Variants in HIRA observed in about 807,000 individuals in gnomAD.
HIRA encodes the protein histone cell cycle regulator, also known as protein HIRA.
HIRA carries 13 observed loss-of-function variants against 126.6 expected under a neutral mutation model. That is an observed-to-expected ratio of 0.10 (90% CI 0.07 to 0.16). The LOEUF (loss-of-function observed/expected upper bound fraction) is 0.16, where lower values mean the gene tolerates loss of function less well. HIRA is among the 10% of genes least tolerant of loss of function. HIRA has a pLI of 1.00. For missense variants in HIRA, 834 were observed against 1,314.4 expected, an observed-to-expected ratio of 0.63 and a Z score of 5.65; for synonymous variants, 511 against 520.0, an observed-to-expected ratio of 0.98 and a Z score of 0.24.
chr22:19,344,904 C>T (rs1209447572), intron 24 of HIRA, among the ~76,000 whole-genome samples: 1 of 152,116 alleles, frequency 6.6e-6, no homozygotes, highest in African/African-American at 2.4e-5. Context: ...CATCTTAATG[C>T]AGAAAAAGCA....
intron 24 of HIRA, among the ~76,000 whole-genome samples, chr22:19,340,786 A>C (rs2088619146): frequency 6.6e-6 from 1 of 152,178 alleles, no homozygotes; most frequent in Non-Finnish European, 1.5e-5. Flanking sequence ...AAATAAAATA[A>C]AATACTTCGG....
chr22:19,337,505 G>A (rs1034760434), intron 24 of HIRA, among the ~76,000 whole-genome samples: 1 of 151,668 alleles, frequency 6.6e-6, no homozygotes, highest in Non-Finnish European at 1.5e-5. Flanking sequence ...AAGAAATTTG[G>A]GATTATGTTA....
At chr22:19,366,686 A>G (rs1182098140) in intron 15 of HIRA, among the ~76,000 whole-genome samples, 1 of 152,248 alleles carries the variant, frequency 6.6e-6, no homozygotes, top group African/African-American at 2.4e-5. Flanking sequence ...TAGTTAGGGA[A>G]GAGCAAAGAA....
intron 24 of HIRA, among the ~76,000 whole-genome samples, chr22:19,347,273 A>C (rs2088697640): frequency 6.6e-6 from 1 of 152,232 alleles, no homozygotes; most frequent in Non-Finnish European, 1.5e-5. Flanking sequence ...CTACAACCTG[A>C]TAACCAAGGA....
chr22:19,418,570 T>A (rs2089417948), intron 1 of HIRA, among the ~76,000 whole-genome samples: 1 of 130,618 alleles, frequency 7.7e-6, no homozygotes. Flanking sequence ...AGGCGGAGCT[T>A]GCAGTGAGCC....
chr22:19,409,085 T>C (rs1180098060), intron 2 of HIRA, among the ~76,000 whole-genome samples: 1 of 152,172 alleles, frequency 6.6e-6, no homozygotes, highest in Non-Finnish European at 1.5e-5. Flanking sequence ...GCCTGGAATT[T>C]AGGCTGTTCC....
intron 2 of HIRA, among the ~76,000 whole-genome samples, chr22:19,410,100 T>C (rs1199301792): frequency 1.3e-5 from 2 of 152,228 alleles, no homozygotes; most frequent in East Asian, 3.8e-4. Flanking sequence ...GAATGCTACA[T>C]TGTGTCACTA....
Position 19,330,745 on chromosome 22 carries a change from C to T in HIRA, c.*695G>A, listed in dbSNP as rs782700361. 1.3e-5 allele frequency: 2 copies of T among 155,758 alleles called. No individual in the cohort carries two copies. Among genetic ancestry groups the T allele is most frequent in the East Asian group, 1.9e-4 (1 of 5,230 alleles). 9.6% of individuals were successfully genotyped at this position (155,758 alleles called of 1,614,324 possible). On this transcript the variant is annotated 3_prime_UTR_variant, in exon 25 of 25. Transcript: ENST00000263208. ...TTTATTTTACACTTACAAAAGAAATCGCCCACCCCTTTGCCCCATTCCCCC... is the reference window on the plus strand; with the variant it reads ...TTTATTTTACACTTACAAAAGAAATTGCCCACCCCTTTGCCCCATTCCCCC...
chr22:19,401,234 C>T (rs574671407), intron 5 of HIRA, among the ~76,000 whole-genome samples: 5 of 152,134 alleles, frequency 3.3e-5, no homozygotes, highest in African/African-American at 7.2e-5. Flanking sequence ...CTTCACTTTG[C>T]CCCTCAGCAA....
chr22:19,397,045 C>T (rs1327970819), intron 6 of HIRA, 98 bp from the exon 7 acceptor site: 4 of 1,149,566 alleles, frequency 3.5e-6, no homozygotes, highest in Non-Finnish European at 3.8e-6. Flanking sequence ...GGGGACTCAG[C>T]AGTCTGCCAT....
rs529414129 is a variant in HIRA, at chr22:19,415,379, G to A, written c.38-4601C>T. Reference sequence around the variant, plus strand: ...TTGTAGGAATAAACTTAGCCCAGGAGGCGAAAGACTTGTACACTGAAACTA... The same window carrying A: ...TTGTAGGAATAAACTTAGCCCAGGAAGCGAAAGACTTGTACACTGAAACTA... On this transcript the variant is annotated intron_variant, in intron 1 of 24. Transcript: ENST00000263208. Among the ~76,000 whole-genome samples the A allele has an allele frequency of 2.2e-4, 33 of 152,292 alleles. No individual in the cohort carries two copies. In the East Asian group the frequency reaches 6.2e-3, roughly 28 times the overall value.
chr22:19,369,184 C>T lies in HIRA; in HGVS notation c.1775+6447G>A, dbSNP rs531623100. ...TGTAGTCACTTACCTCAGGTCCCTA[C>T]GTGCTTCTGCCTGACACCTGGCCTT... is the stretch of plus-strand genomic sequence containing the variant. On this transcript the variant is annotated intron_variant, in intron 15 of 24. Transcript: ENST00000263208. Among the ~76,000 whole-genome samples, 168 of 152,252 alleles carry T rather than the reference C, an allele frequency of 1.1e-3. 1 individual carries two copies. The highest frequency in any genetic ancestry group is 3.9e-3 in the African/African-American group (160 of 41,546).
At chr22:19,388,918 G>A (rs544432710) in intron 9 of HIRA, among the ~76,000 whole-genome samples, 6 of 152,288 alleles carry the variant, frequency 3.9e-5, no homozygotes, top group Admixed American at 1.3e-4. Context: ...CTATGGAGCA[G>A]GAGACACGAT....
At chr22:19,355,613 A>C (rs1441343400) in intron 21 of HIRA, 147 bp downstream of exon 21, 3 of 625,040 alleles carry the variant, frequency 4.8e-6, no homozygotes, top group African/African-American at 3.7e-5. Flanking sequence ...GGGAGCATGC[A>C]CAGATAGTCA....
intron 12 of HIRA, among the ~76,000 whole-genome samples, chr22:19,384,350 T>C (rs1474666828): frequency 6.9e-6 from 1 of 145,256 alleles, no homozygotes; most frequent in African/African-American, 2.5e-5. Context: ...AAAAGAGAGA[T>C]ATCATGCGGT....
intron 8 of HIRA, among the ~76,000 whole-genome samples, chr22:19,393,133 C>T (rs1202865945): frequency 6.6e-6 from 1 of 152,112 alleles, no homozygotes; most frequent in African/African-American, 2.4e-5. Context: ...GAGCCATAGG[C>T]AGGCGTCGTG....
At chr22:19,405,482 T>C (rs1008220775) in intron 5 of HIRA, 1 of 985,240 alleles carries the variant, frequency 1.0e-6, no homozygotes, top group Non-Finnish European at 1.2e-6. Context: ...GATCCGCTGA[T>C]GAAGGTACTG....
At chr22:19,333,385 A>G (rs1263746013) in intron 24 of HIRA, among the ~76,000 whole-genome samples, 1 of 152,210 alleles carries the variant, frequency 6.6e-6, no homozygotes, top group Non-Finnish European at 1.5e-5. Flanking sequence ...ATTTAGAGAA[A>G]ATGGAGAAAT....
intron 13 of HIRA, among the ~76,000 whole-genome samples, chr22:19,380,420 A>G (rs2089062059): frequency 6.6e-6 from 1 of 152,154 alleles, no homozygotes; most frequent in Non-Finnish European, 1.5e-5. Context: ...TAAAATTCCC[A>G]TAAATATTCG....
Sources: allele counts gnomAD v4.1 joint callset (sites outside exome capture counted in the v4.1 genomes callset), GRCh38; gene constraint gnomAD v4.1.1; transcripts MANE v1.5; gene names NCBI Gene and HGNC (gene_info 2026-07-23, HGNC 2026-07-21).